The following CAMTA1 variants were observed in gnomAD, a reference collection of about 807,000 sequenced individuals.
CAMTA1 encodes calmodulin-binding transcription activator 1.
CAMTA1 carries 27 observed loss-of-function variants against 170.9 expected under a neutral mutation model. The observed-to-expected ratio is 0.16, with a 90% CI of 0.12 to 0.22. CAMTA1 has a LOEUF of 0.22. Among genes scored for constraint, CAMTA1 ranks in the 10% least tolerant of loss-of-function variants. The probability of loss-of-function intolerance (pLI) is 1.00; values close to 1 mark genes in which losing one functional copy is unlikely to be tolerated. For missense variants in CAMTA1, 1,619 were observed against 2,217.2 expected (o/e 0.73, Z 5.42); for synonymous variants, 833 against 891.5 (o/e 0.93, Z 1.17).
chr1:7,079,505 C>G (rs1458649041), intron 3 of CAMTA1, among the ~76,000 whole-genome samples: 1 of 151,938 alleles, frequency 6.6e-6, no homozygotes, highest in African/African-American at 2.4e-5. Flanking sequence ...CAGAATCTCA[C>G]TCTGTCATCC....
chr1:7,154,206 G>A (rs1483120763), intron 4 of CAMTA1, among the ~76,000 whole-genome samples: 2 of 152,102 alleles, frequency 1.3e-5, no homozygotes, highest in East Asian at 3.9e-4. Context: ...ATAGTTAAGG[G>A]GTACCCTTTC....
At chr1:6,903,362 TGAA>T (rs1167883613) in intron 3 of CAMTA1, among the ~76,000 whole-genome samples, 2 of 152,238 alleles carry the variant, frequency 1.3e-5, no homozygotes, top group Non-Finnish European at 2.9e-5. Flanking sequence ...ATCCAGCAGA[TGAA>T]GATCTATACA....
At chr1:7,051,094 C>T (rs1706275837) in intron 3 of CAMTA1, among the ~76,000 whole-genome samples, 1 of 152,184 alleles carries the variant, frequency 6.6e-6, no homozygotes, top group Non-Finnish European at 1.5e-5. Context: ...CCACGTCCCT[C>T]TGGTGATCTG....
chr1:6,931,733 G>A (rs1684449952), intron 3 of CAMTA1, among the ~76,000 whole-genome samples: 1 of 152,200 alleles, frequency 6.6e-6, no homozygotes, highest in Non-Finnish European at 1.5e-5. Flanking sequence ...GCCTGCAGAT[G>A]TGCACATTAA....
At chr1:6,992,619 G>A (rs1696568557) in intron 3 of CAMTA1, among the ~76,000 whole-genome samples, 3 of 152,204 alleles carry the variant, frequency 2.0e-5, no homozygotes. Flanking sequence ...ATTGTGGCTG[G>A]GGATGCCTCA....
At position 7,592,106 on chromosome 1, in the gene CAMTA1, C is replaced by T. The variant is rs574630426; in HGVS notation, c.511-48294C>T. On this transcript the variant is annotated intron_variant, in intron 6 of 22. Coordinates refer to ENST00000303635, the MANE Select transcript of CAMTA1 (RefSeq NM_015215.4). The surrounding 1 kb of genome is among the most constrained non-coding windows in gnomAD (Gnocchi z 4.6). ...TAGAGATGGGGTTTCATCATGTTGGCCAGGCTGGTCTCGAACTCCTGACCT... is the reference window on the plus strand; with the variant it reads ...TAGAGATGGGGTTTCATCATGTTGGTCAGGCTGGTCTCGAACTCCTGACCT... Among the ~76,000 whole-genome samples, 126 of 152,180 alleles carry T rather than the reference C, an allele frequency of 8.3e-4. 1 individual carries two copies. Among genetic ancestry groups the T allele is most frequent in the African/African-American group, 2.7e-3 (114 of 41,518 alleles).
intron 5 of CAMTA1, among the ~76,000 whole-genome samples, chr1:7,357,324 T>G (rs2085196076): frequency 6.6e-6 from 1 of 152,212 alleles, no homozygotes; most frequent in African/African-American, 2.4e-5. Context: ...TTGCCCTTTT[T>G]GGCTCAGGAG....
intron 6 of CAMTA1, among the ~76,000 whole-genome samples, chr1:7,506,197 A>G (rs183180100): frequency 1.5e-3 from 236 of 152,294 alleles, no homozygotes; most frequent in African/African-American, 5.4e-3. Context: ...TGGGAATGAA[A>G]GGAACACACC....
rs115106811 is a variant in CAMTA1, at chr1:7,375,556, G to A, written c.439-92274G>A. Among the ~76,000 whole-genome samples the A allele has an allele frequency of 9.9e-3, 1,503 of 152,286 alleles. 28 individuals carry two copies. Among genetic ancestry groups the A allele is most frequent in the African/African-American group, 0.032 (1,342 of 41,560 alleles). On this transcript the variant is annotated intron_variant, in intron 5 of 22. Coordinates refer to ENST00000303635, the MANE Select transcript of CAMTA1 (RefSeq NM_015215.4). ...AATGCCAGCCCTGGGACCAACACCC[G>A]TGGGGACAGGCAAGGGAGTTGAGGT...
intron 3 of CAMTA1, among the ~76,000 whole-genome samples, chr1:6,998,430 C>A (rs1049758454): frequency 1.3e-5 from 2 of 152,212 alleles, no homozygotes; most frequent in Admixed American, 6.5e-5. Context: ...GTGCTCTCCG[C>A]ACATGCCATG....
rs1553177232 is a variant in CAMTA1 at position 7,480,256 on chromosome 1, T to TGA, written c.510+12356_510+12357insAG. 3.4e-5 allele frequency among the ~76,000 whole-genome samples: 5 copies of TGA among 146,500 alleles called. No homozygotes were observed. The South Asian group carries it at 1.1e-3, about 32-fold the overall frequency. ...GTGCATGTGTCCGTGTGTGTGCATG[T>TGA]GTGTATGTGTGTGAGTGCATCTGTG... is the stretch of plus-strand genomic sequence containing the variant. On this transcript the variant is annotated intron_variant, in intron 6 of 22. Transcript: ENST00000303635.
intron 10 of CAMTA1, chr1:7,672,171 AAAGGAGAG>A: frequency 2.4e-6 from 1 of 423,110 alleles, no homozygotes; most frequent in Non-Finnish European, 4.7e-6. Context: ...GGGAGCCTAG[AAAGGAGAG>A]AAGATGCTCA....
At chr1:7,657,769 A>AC (rs2095917140) in intron 7 of CAMTA1, among the ~76,000 whole-genome samples, 1 of 145,666 alleles carries the variant, frequency 6.9e-6, no homozygotes, top group Non-Finnish European at 1.5e-5. Flanking sequence ...CCACCCACCC[A>AC]CCCCCAACAC....
intron 1 of CAMTA1, among the ~76,000 whole-genome samples, chr1:6,790,373 AGAGTGTGTGTGT>A (rs1382150267): frequency 7.2e-6 from 1 of 139,852 alleles, no homozygotes; most frequent in African/African-American, 2.7e-5. Flanking sequence ...AGAGAGAGAG[AGAGTGTGTGTGT>A]GTGTGTGTGT....
chr1:7,724,232 G>A (rs1296652651), intron 11 of CAMTA1, among the ~76,000 whole-genome samples: 2 of 152,164 alleles, frequency 1.3e-5, no homozygotes, highest in African/African-American at 4.8e-5. Context: ...TTAGATCCTG[G>A]AACAGAAAAA....
intron 3 of CAMTA1, among the ~76,000 whole-genome samples, chr1:6,931,730 G>C (rs916191770): frequency 2.0e-5 from 3 of 152,220 alleles, no homozygotes; most frequent in Non-Finnish European, 4.4e-5. Context: ...CATGCCTGCA[G>C]ATGTGCACAT....
intron 5 of CAMTA1, among the ~76,000 whole-genome samples, chr1:7,297,202 A>G (rs1186156969): frequency 6.6e-6 from 1 of 152,224 alleles, no homozygotes; most frequent in Non-Finnish European, 1.5e-5. Context: ...TAGATATTTT[A>G]GAAGATATGT....
intron 18 of CAMTA1, among the ~76,000 whole-genome samples, chr1:7,746,729 C>T (rs2096859645): frequency 6.6e-6 from 1 of 152,182 alleles, no homozygotes; most frequent in African/African-American, 2.4e-5. Context: ...CCTCCACCTC[C>T]CAATTCAGGT....
In CAMTA1 at chr1:7,065,424, G is replaced by A. The variant is rs373110296; in HGVS notation, c.235-25880G>A. Among the ~76,000 whole-genome samples, 14 of 152,220 alleles carry A rather than the reference G, an allele frequency of 9.2e-5. No individual in the cohort carries two copies. Among genetic ancestry groups the A allele is most frequent in the East Asian group, 3.9e-4 (2 of 5,186 alleles). ...GTTTTGTAGTGAATATAGAGGAGAC[G>A]AAAAAGAATGGGGATGGGAATGGAG... On this transcript the variant is annotated intron_variant, in intron 3 of 22. Transcript: ENST00000303635. The surrounding 1 kb of genome is among the most constrained non-coding windows in gnomAD (Gnocchi z 5.2).
Sources: gnomAD v4.1 joint callset for allele counts (sites outside exome capture counted in the v4.1 genomes callset) on GRCh38, gnomAD v4.1.1 for gene constraint, Gnocchi (gnomAD v3.1) non-coding constraint, MANE v1.5 for transcripts, NCBI Gene and HGNC (gene_info 2026-07-23, HGNC 2026-07-21) for gene names.